RIF1: variants seen among roughly 807,000 people sequenced by gnomAD.
RIF1 encodes the protein telomere-associated protein RIF1.
RIF1 carries 45 observed loss-of-function variants against 247.1 expected under a neutral mutation model. The observed-to-expected ratio is 0.18, with a 90% CI of 0.14 to 0.23. The LOEUF (loss-of-function observed/expected upper bound fraction) is 0.23. RIF1 is among the 10% of genes least tolerant of loss of function. The pLI is 1.00. For missense variants in RIF1, 2,967 were observed against 2,862.5 expected, an observed-to-expected ratio of 1.04 and a Z score of -0.83; for synonymous variants, 1,087 against 978.8, an observed-to-expected ratio of 1.11 and a Z score of -2.06.
Position 151,420,190 on chromosome 2 carries a change from G to A in RIF1, c.504G>A (p.Arg168=). 1 of 1,612,046 alleles carries A rather than the reference G, an allele frequency of 6.2e-7. No individual in the cohort carries two copies. ...TTATTCATTGATTTCTCTATTATAG[G>A]CTAATTGAACAAGCCCCAATTCAAA... ...VDFEALNVIV[R]LIEQAPIQMG... The change falls in exon 7 of 36, where the codon AGG becomes AGA. Residue 168 remains arginine (R), a splice_region_variant and synonymous_variant. Transcript: ENST00000444746.
chr2:151,455,262 A>G, intron 22 of RIF1, 103 bp downstream of exon 22: 1 of 785,088 alleles, frequency 1.3e-6, no homozygotes, highest in Non-Finnish European at 1.9e-6. Flanking sequence ...GGTAGTCTTG[A>G]CAATTTTGTG....
At position 151,454,972 on chromosome 2, in the gene RIF1, G is replaced by A. The variant is rs775284876; in HGVS notation, c.2422G>A (p.Val808Met). 4 of 1,613,272 alleles carry A rather than the reference G, an allele frequency of 2.5e-6. No individual in the cohort carries two copies. Among genetic ancestry groups the A allele is most frequent in the Admixed American group, 1.7e-5 (1 of 59,956 alleles). The change falls in exon 22 of 36, where the codon GTG becomes ATG. Residue 808 changes from valine to methionine, a missense_variant. By Grantham distance (21) the Val-to-Met change is conservative. Coordinates refer to ENST00000444746, the MANE Select transcript of RIF1 (RefSeq NM_018151.5). The part of the protein sequence containing the change: ...GKLTSLFKLI[V>M]KVIYSFHTLS... ...ATTGACTTCTTTATTTAAACTTATT[G>A]TGAAAGTGATCTATTCTTTCCACAC...
chr2:151,493,299 T>G (rs1328479060), intron 9 of RIF1: 1 of 1,363,888 alleles, frequency 7.3e-7, no homozygotes. Flanking sequence ...TTTATGATGT[T>G]AAAATGTTAT....
At chr2:151,509,171 GT>G (rs1314215365), downstream of RIF1, among the ~76,000 whole-genome samples, 1 of 152,104 alleles carries the variant, frequency 6.6e-6, no homozygotes, top group Non-Finnish European at 1.5e-5. Flanking sequence ...CAAACAAGCA[GT>G]TTCAGCCAAT....
chr2:151,496,955 C>G (rs762790812), intron 10 of RIF1: 4 of 1,576,042 alleles, frequency 2.5e-6, no homozygotes, highest in South Asian at 1.2e-5. Flanking sequence ...CTAATATTTT[C>G]TTGATTGTGT....
chr2:151,491,757 G>A, intron 9 of RIF1: 1 of 1,591,610 alleles, frequency 6.3e-7, no homozygotes, highest in African/African-American at 1.3e-5. Context: ...ACCAGGATTA[G>A]TACGCCAGAC....
In RIF1 at chr2:151,426,168, A is replaced by ATTTTTTTTTTTTTT. The variant is rs35001554; in HGVS notation, c.787-2605_787-2592dup. Among the ~76,000 whole-genome samples, 29 of 58,210 alleles carry ATTTTTTTTTTTTTT rather than the reference A, an allele frequency of 5.0e-4. 3 individuals carry two copies. Among genetic ancestry groups the ATTTTTTTTTTTTTT allele is most frequent in the East Asian group, 2.0e-3 (3 of 1,470 alleles). 38.2% of individuals were successfully genotyped at this position (58,210 alleles called of 152,430 possible). ...TTTTTCAGGATTGTTTTGGCTTTTA[A>ATTTTTTTTTTTTTT]TTTTTTTTTTTTTTTTTTTTTTTTG... On this transcript the variant is annotated intron_variant, in intron 8 of 35. Coordinates refer to ENST00000444746, the MANE Select transcript of RIF1 (RefSeq NM_018151.5).
Position 151,440,076 on chromosome 2 carries a change from G to C in RIF1, c.1596G>C (p.Lys532Asn). Residue 532 changes from lysine (K) to asparagine (N), a missense_variant, in exon 15 of 36, where the codon AAG becomes AAC. By Grantham distance (94) the Lys-to-Asn change is moderately conservative (BLOSUM62 0). Coordinates refer to ENST00000444746, the MANE Select transcript of RIF1 (RefSeq NM_018151.5). ...PGSEVLTLLL[K>N]SLESIVKSEV... Reference sequence around the variant, plus strand: ...CTGAAGTTTTGACTCTCTTATTAAAGTCTTTGGAAAGCATAGTAAAGTCTG... The same window carrying C: ...CTGAAGTTTTGACTCTCTTATTAAACTCTTTGGAAAGCATAGTAAAGTCTG... 6.3e-7 allele frequency: 1 copy of C among 1,584,964 alleles called. No individual in the cohort carries two copies. Among genetic ancestry groups the C allele is most frequent in the Non-Finnish European group, 8.6e-7 (1 of 1,163,946 alleles).
chr2:151,474,462 T>A (rs1439128979), intron 35 of RIF1, among the ~76,000 whole-genome samples: 1 of 152,182 alleles, frequency 6.6e-6, no homozygotes, highest in Non-Finnish European at 1.5e-5. Context: ...GTGGATCGCT[T>A]GAGGTCAGGA....
the RIF1 span, chr2:151,532,221 CA>C: frequency 4.4e-6 from 1 of 227,544 alleles, no homozygotes; most frequent in Non-Finnish European, 8.7e-6. Flanking sequence ...CTCAGCCTCC[CA>C]AGTTCCAATA....
chr2:151,513,753 A>C, the RIF1 span: 5 of 1,152,586 alleles, frequency 4.3e-6, no homozygotes, highest in Non-Finnish European at 5.1e-6. Flanking sequence ...GGTAATAAAC[A>C]TACAGGGTGA....
At chr2:151,453,335 G>T (rs1454564986) in intron 21 of RIF1, among the ~76,000 whole-genome samples, 1 of 152,112 alleles carries the variant, frequency 6.6e-6, no homozygotes, top group African/African-American at 2.4e-5. Flanking sequence ...CCAGCACTTT[G>T]AGAGGCCGAG....
intron 34 of RIF1, among the ~76,000 whole-genome samples, chr2:151,472,767 T>G (rs888940071): frequency 2.0e-5 from 3 of 152,106 alleles, no homozygotes; most frequent in Non-Finnish European, 4.4e-5. Flanking sequence ...GCTGGATTCG[T>G]TTTGCCAGTA....
chr2:151,533,736 C>T, the RIF1 span, among the ~76,000 whole-genome samples: 1,248 of 152,270 alleles, frequency 8.2e-3, 24 homozygotes, highest in African/African-American at 0.029. Flanking sequence ...TGCGGTTGGC[C>T]ATTCATAGTC....
At position 151,453,579 on chromosome 2, in the gene RIF1, C is replaced by CAA. The variant is rs59661470; in HGVS notation, c.2345-1294_2345-1293dup. On this transcript the variant is annotated intron_variant, in intron 21 of 35. Coordinates refer to ENST00000444746, the MANE Select transcript of RIF1 (RefSeq NM_018151.5). ...TGGGCAACAGAGCTAGACTCTGTCT[C>CAA]AAAAAAAAAAAAAAAAAAAAAAAGG... 7.6e-3 allele frequency among the ~76,000 whole-genome samples: 545 copies of CAA among 72,048 alleles called. 9 individuals carry two copies. Among genetic ancestry groups the CAA allele is most frequent in the African/African-American group, 0.02 (355 of 17,704 alleles). The allele number at this position is 72,048 out of a possible 152,430, so 47.3% of individuals were successfully genotyped here. A position where few individuals can be genotyped will look rare whatever the true frequency, so the allele number is the denominator to read the frequency against.
rs758953586 is a variant in RIF1, at chr2:151,464,928, A to T, written c.5408A>T (p.Asp1803Val). Residue 1803 changes from aspartate (D) to valine (V), a missense_variant, in exon 30 of 36, where the codon GAT becomes GTT. By Grantham distance (152) the Asp-to-Val change is radical (BLOSUM62 -3). Around this residue, in one of 7 missense-constraint regions of RIF1, gnomAD observed 2,028 missense variants for 1,825.6 expected, o/e 1.11. Transcript: ENST00000444746. ...AATTTTCATTTGGGTCTCAAAGAGGATAATGATACTATTAATGATTCATTA... is the reference window on the plus strand; with the variant it reads ...AATTTTCATTTGGGTCTCAAAGAGGTTAATGATACTATTAATGATTCATTA... ...SVNFHLGLKE[D>V]NDTINDSLIV... is the part of the protein sequence containing the mutation. 4 of 1,574,900 alleles carry T rather than the reference A, an allele frequency of 2.5e-6. No individual in the cohort carries two copies. Among genetic ancestry groups the T allele is most frequent in the African/African-American group, 2.7e-5 (2 of 72,808 alleles).
chr2:151,419,831 A>G (rs1247899723), intron 6 of RIF1, among the ~76,000 whole-genome samples: 1 of 152,170 alleles, frequency 6.6e-6, no homozygotes, highest in Non-Finnish European at 1.5e-5. Context: ...TGGGACCACC[A>G]TTGTGAATGT....
chr2:151,468,230 A>G (rs1250038330), intron 31 of RIF1, 84 bp downstream of exon 31: 16 of 1,289,896 alleles, frequency 1.2e-5, no homozygotes, highest in East Asian at 2.3e-5. Flanking sequence ...TGAACTATAT[A>G]TGTGAAAAAC....
At chr2:151,467,544 C>T (rs1340173180) in intron 30 of RIF1, among the ~76,000 whole-genome samples, 1 of 152,058 alleles carries the variant, frequency 6.6e-6, no homozygotes, top group Non-Finnish European at 1.5e-5. Context: ...AAGGTTTCAC[C>T]ATGTTGGTCA....
Sources: allele counts gnomAD v4.1 joint callset (sites outside exome capture counted in the v4.1 genomes callset), GRCh38; gene constraint gnomAD v4.1.1; regional missense constraint gnomAD v4.1.1; transcripts MANE v1.5; gene names NCBI Gene and HGNC (gene_info 2026-07-23, HGNC 2026-07-21).